EYA1: variants seen among roughly 807,000 people sequenced by gnomAD.
EYA1 encodes EYA transcriptional coactivator and phosphatase 1, also known as protein phosphatase EYA1.
In EYA1, 16 loss-of-function variants were observed where a neutral mutation model predicts 82.0. The ratio of observed to expected loss-of-function variants is 0.20; its 90% CI spans 0.13 to 0.30. The LOEUF (loss-of-function observed/expected upper bound fraction) is 0.30, where lower values mean the gene tolerates loss of function less well. Among genes scored for constraint, EYA1 ranks in the 10% least tolerant of loss-of-function variants. The pLI, the probability that EYA1 is intolerant of heterozygous loss-of-function variation, is 1.00. For missense variants in EYA1, 633 were observed against 730.7 expected (o/e 0.87, Z 1.54); for synonymous variants, 261 against 264.4 (o/e 0.99, Z 0.12).
intron 2 of EYA1, among the ~76,000 whole-genome samples, chr8:71,465,218 T>C (rs1000111787): frequency 1.3e-5 from 2 of 152,204 alleles, no homozygotes; most frequent in African/African-American, 4.8e-5. Flanking sequence ...TACAATTAAA[T>C]TTAGAATGCA....
intron 2 of EYA1, among the ~76,000 whole-genome samples, chr8:71,439,930 A>T (rs574747543): frequency 1.3e-3 from 196 of 152,278 alleles, no homozygotes; most frequent in African/African-American, 4.5e-3. Flanking sequence ...GCGGCCTGGC[A>T]TATATTAAAT....
chr8:71,233,585 AAAAG>A (rs1323720586), intron 12 of EYA1, among the ~76,000 whole-genome samples: 1 of 151,670 alleles, frequency 6.6e-6, no homozygotes, highest in East Asian at 1.9e-4. Context: ...AAAAAGAAAA[AAAAG>A]AAAGCCTTTG....
chr8:71,209,464 C>T (rs757656832), intron 17 of EYA1, among the ~76,000 whole-genome samples: 3 of 152,142 alleles, frequency 2.0e-5, no homozygotes, highest in Non-Finnish European at 2.9e-5. Context: ...ACCAGACTCA[C>T]GCAGGTTTGT....
At chr8:71,290,758 C>A (rs1389105736) in intron 9 of EYA1, among the ~76,000 whole-genome samples, 1 of 151,854 alleles carries the variant, frequency 6.6e-6, no homozygotes, top group Non-Finnish European at 1.5e-5. Context: ...ACTTTATTTC[C>A]ATGAATTTTA....
Position 71,368,220 on chromosome 8 carries a change from T to TTGA in EYA1, c.34-11710_34-11709insTCA, listed in dbSNP as rs1827867697. Among the ~76,000 whole-genome samples, 8 of 141,198 alleles carry TTGA rather than the reference T, an allele frequency of 5.7e-5. No homozygotes were observed. In the South Asian group the frequency reaches 6.8e-4, roughly 12 times the overall value. 92.6% of individuals were successfully genotyped at this position (141,198 alleles called of 152,430 possible). On this transcript the variant is annotated intron_variant, in intron 2 of 18. Transcript: ENST00000643681. Reference sequence around the variant, plus strand: ...AAACAACACCCTGGTTGATAGAGAGTTACAGGCTGGTGGCTTGTTTTTTTA... The same window carrying TTGA: ...AAACAACACCCTGGTTGATAGAGAGTTGATACAGGCTGGTGGCTTGTTTTTTTA...
intron 6 of EYA1, among the ~76,000 whole-genome samples, chr8:71,320,784 C>T (rs1822452649): frequency 6.6e-6 from 1 of 151,788 alleles, no homozygotes; most frequent in African/African-American, 2.4e-5. Flanking sequence ...TAAAGAAGAG[C>T]ATTAATTCTT....
chr8:71,438,994 A>T (rs1760241501), intron 2 of EYA1, among the ~76,000 whole-genome samples: 1 of 151,996 alleles, frequency 6.6e-6, no homozygotes, highest in Non-Finnish European at 1.5e-5. Context: ...GTTACACCAG[A>T]ACTTGAGCAG....
chr8:71,324,462 A>G (rs1302579949), intron 4 of EYA1, among the ~76,000 whole-genome samples: 2 of 152,180 alleles, frequency 1.3e-5, no homozygotes, highest in African/African-American at 4.8e-5. Flanking sequence ...TGATGGCAGT[A>G]ATACTACCTA....
intron 16 of EYA1, among the ~76,000 whole-genome samples, chr8:71,211,877 C>A (rs1023913269): frequency 6.6e-6 from 1 of 152,154 alleles, no homozygotes; most frequent in East Asian, 1.9e-4. Context: ...TGAGGTAGTG[C>A]AGCAAGATGG....
At chr8:71,490,957 G>T (rs1490262943) in intron 2 of EYA1, among the ~76,000 whole-genome samples, 1 of 152,132 alleles carries the variant, frequency 6.6e-6, no homozygotes, top group South Asian at 2.1e-4. Flanking sequence ...CTTCTTGGGA[G>T]GAAGATCATA....
chr8:71,286,172 G>A (rs1818339912), intron 9 of EYA1, among the ~76,000 whole-genome samples: 2 of 152,152 alleles, frequency 1.3e-5, no homozygotes, highest in African/African-American at 4.8e-5. Flanking sequence ...GTATAAACCT[G>A]CACATCCTGC....
chr8:71,536,568 T>C (rs1346616515), intron 1 of EYA1, among the ~76,000 whole-genome samples: 1 of 152,236 alleles, frequency 6.6e-6, no homozygotes, highest in Non-Finnish European at 1.5e-5. Flanking sequence ...GAATTAATTT[T>C]TGTGCTCATG....
chr8:71,219,806 G>A (rs1809668632), intron 12 of EYA1, among the ~76,000 whole-genome samples: 2 of 152,172 alleles, frequency 1.3e-5, no homozygotes, highest in Non-Finnish European at 2.9e-5. Context: ...TCTCCCATCA[G>A]ATATCCTGAA....
At chr8:71,203,909 C>A (rs1232760265) in intron 17 of EYA1, among the ~76,000 whole-genome samples, 1 of 152,166 alleles carries the variant, frequency 6.6e-6, no homozygotes, top group African/African-American at 2.4e-5. Context: ...AACCCCAAAT[C>A]ATGTCTGAGT....
intron 12 of EYA1, among the ~76,000 whole-genome samples, chr8:71,219,768 C>A (rs1486511331): frequency 6.6e-6 from 1 of 152,152 alleles, no homozygotes; most frequent in Non-Finnish European, 1.5e-5. Context: ...TGTTGTAAGT[C>A]CAGCAGCTCT....
intron 2 of EYA1, among the ~76,000 whole-genome samples, chr8:71,380,249 C>A (rs1053504210): frequency 3.2e-4 from 49 of 152,172 alleles, no homozygotes; most frequent in African/African-American, 1.1e-3. Flanking sequence ...GCATGGTTTG[C>A]AATATTGACT....
intron 9 of EYA1, among the ~76,000 whole-genome samples, chr8:71,276,760 A>G (rs936634417): frequency 1.2e-4 from 19 of 152,194 alleles, no homozygotes; most frequent in African/African-American, 4.6e-4. Context: ...AACAGGAACG[A>G]CAGTCTAGAT....
intron 11 of EYA1, among the ~76,000 whole-genome samples, chr8:71,248,119 C>T (rs1226099138): frequency 6.6e-6 from 1 of 152,114 alleles, no homozygotes; most frequent in Non-Finnish European, 1.5e-5. Flanking sequence ...AAGGCTTGTT[C>T]AGTCTAGTGG....
chr8:71,378,673 T>G (rs1828518361), intron 2 of EYA1, among the ~76,000 whole-genome samples: 1 of 152,242 alleles, frequency 6.6e-6, no homozygotes, highest in Middle Eastern at 3.4e-3. Context: ...TAATTTAAGG[T>G]TTGAAGATAT....
Sources: allele counts gnomAD v4.1 joint callset (sites outside exome capture counted in the v4.1 genomes callset), GRCh38; gene constraint gnomAD v4.1.1; transcripts MANE v1.5; gene names NCBI Gene and HGNC (gene_info 2026-07-23, HGNC 2026-07-21).